LSAMP: variants seen among roughly 807,000 people sequenced by gnomAD.
LSAMP encodes the protein limbic system associated membrane protein, also known as limbic system-associated membrane protein.
In LSAMP, 7 loss-of-function variants were observed where a neutral mutation model predicts 38.6. The ratio of observed to expected loss-of-function variants is 0.18; its 90% CI spans 0.10 to 0.34. LSAMP has a LOEUF of 0.34. Among genes scored for constraint, LSAMP ranks in the 10% least tolerant of loss-of-function variants. The probability of loss-of-function intolerance (pLI) is 1.00; values close to 1 mark genes in which losing one functional copy is unlikely to be tolerated. For missense variants in LSAMP, 313 were observed against 420.0 expected (o/e 0.75, Z 2.23); for synonymous variants, 154 against 166.8 (o/e 0.92, Z 0.59).
chr3:115,837,451 ACTACTAGGCTAAACG>A (rs1934830477), intron 6 of LSAMP, among the ~76,000 whole-genome samples: 2 of 119,604 alleles, frequency 1.7e-5, no homozygotes, highest in South Asian at 4.3e-4. Flanking sequence ...CCAAACGCTG[ACTACTAGGCTAAACG>A]CTGACTACTA....
intron 1 of LSAMP, among the ~76,000 whole-genome samples, chr3:116,236,330 T>A (rs1181774298): frequency 6.6e-6 from 1 of 152,160 alleles, no homozygotes. Context: ...AGGCAAATGA[T>A]TCATTTCTAG....
At chr3:116,288,034 A>G (rs1403883264) in intron 1 of LSAMP, among the ~76,000 whole-genome samples, 1 of 152,244 alleles carries the variant, frequency 6.6e-6, no homozygotes, top group Non-Finnish European at 1.5e-5. Context: ...ATTTAAAAAA[A>G]AGTAAGATAC....
intron 1 of LSAMP, among the ~76,000 whole-genome samples, chr3:116,091,223 T>C (rs1207454531): frequency 1.3e-5 from 2 of 152,262 alleles, no homozygotes; most frequent in African/African-American, 4.8e-5. Flanking sequence ...GGCTCTGTTC[T>C]GCCCGGCTCA....
chr3:116,271,669 A>G (rs2107670789), intron 1 of LSAMP, among the ~76,000 whole-genome samples: 1 of 152,162 alleles, frequency 6.6e-6, no homozygotes, highest in South Asian at 2.1e-4. Context: ...TTTTCCTTTA[A>G]ACTTCCCATC....
chr3:116,367,825 T>C (rs1239076940), intron 1 of LSAMP: 1 of 152,106 alleles, frequency 6.6e-6, no homozygotes, highest in South Asian at 2.1e-4. Context: ...TCTTCCTTTT[T>C]TTAAAAAAAC....
chr3:116,047,191 G>A (rs1458766246), intron 2 of LSAMP, among the ~76,000 whole-genome samples: 1 of 152,084 alleles, frequency 6.6e-6, no homozygotes, highest in Non-Finnish European at 1.5e-5. Context: ...ACATTTAAAA[G>A]ATTATGATCC....
At chr3:116,187,514 A>G (rs533732727) in intron 1 of LSAMP, among the ~76,000 whole-genome samples, 1 of 152,140 alleles carries the variant, frequency 6.6e-6, no homozygotes, top group African/African-American at 2.4e-5. Flanking sequence ...TGATCTTTCT[A>G]TTACCTCAAA....
intron 3 of LSAMP, among the ~76,000 whole-genome samples, chr3:115,892,706 T>A (rs1936630784): frequency 6.6e-6 from 1 of 151,750 alleles, no homozygotes; most frequent in Non-Finnish European, 1.5e-5. Context: ...TGTATATACT[T>A]CAATAAAATA....
intron 1 of LSAMP, among the ~76,000 whole-genome samples, chr3:116,331,693 C>T (rs2047855950): frequency 6.6e-6 from 1 of 152,074 alleles, no homozygotes; most frequent in African/African-American, 2.4e-5. Context: ...AATGAAAGGA[C>T]ACCAGATAGT....
intron 1 of LSAMP, among the ~76,000 whole-genome samples, chr3:116,273,685 T>TATATATATATATATATATATAG (rs2047005553): frequency 2.3e-4 from 1 of 4,424 alleles, no homozygotes; most frequent in African/African-American, 4.3e-4. Flanking sequence ...GAAAGAGGCA[T>TATATATATATATATATATATAG]ATATATATAT....
chr3:116,412,854 G>A (rs2048998204), intron 1 of LSAMP, among the ~76,000 whole-genome samples: 1 of 152,066 alleles, frequency 6.6e-6, no homozygotes, highest in South Asian at 2.1e-4. Context: ...GTATTGGAAA[G>A]AAAGCAGACA....
intron 3 of LSAMP, among the ~76,000 whole-genome samples, chr3:115,929,077 T>G (rs183322528): frequency 5.6e-4 from 84 of 149,656 alleles, no homozygotes; most frequent in African/African-American, 1.9e-3. Flanking sequence ...CCCTAAATAT[T>G]ACTAGATAGA....
At chr3:116,013,306 G>A (rs1320679719) in intron 3 of LSAMP, among the ~76,000 whole-genome samples, 1 of 152,188 alleles carries the variant, frequency 6.6e-6, no homozygotes, top group Non-Finnish European at 1.5e-5. Flanking sequence ...GATTTTTAAA[G>A]TTTGGGTTGT....
At chr3:116,359,669 G>A (rs2048276822) in intron 1 of LSAMP, among the ~76,000 whole-genome samples, 1 of 152,078 alleles carries the variant, frequency 6.6e-6, no homozygotes, top group Non-Finnish European at 1.5e-5. Context: ...ATATGTCATG[G>A]TGGTTTGCTA....
intron 1 of LSAMP, among the ~76,000 whole-genome samples, chr3:116,412,676 A>C (rs575926048): frequency 1.3e-5 from 2 of 152,118 alleles, no homozygotes; most frequent in Non-Finnish European, 1.5e-5. Flanking sequence ...CTAATCCCCA[A>C]ATTCTTTTAA....
chr3:116,236,890 T>C (rs968000553), intron 1 of LSAMP, among the ~76,000 whole-genome samples: 11 of 151,882 alleles, frequency 7.2e-5, no homozygotes, highest in Admixed American at 5.3e-4. Context: ...AAAATAACTA[T>C]ACTAGATGAC....
chr3:116,205,031 T>G (rs2046046664), intron 1 of LSAMP, among the ~76,000 whole-genome samples: 1 of 143,850 alleles, frequency 7.0e-6, no homozygotes, highest in African/African-American at 2.5e-5. Flanking sequence ...TTCCTACCCA[T>G]GAGCATGGAA....
chr3:116,092,211 A>G (rs1200303977), intron 1 of LSAMP, among the ~76,000 whole-genome samples: 1 of 152,228 alleles, frequency 6.6e-6, no homozygotes, highest in Non-Finnish European at 1.5e-5. Flanking sequence ...TAGGTACAGT[A>G]AAGATGGATA....
chr3:116,197,130 G>GACACACACAC (rs10650049), intron 1 of LSAMP, among the ~76,000 whole-genome samples: 8,678 of 136,596 alleles, frequency 0.064, 325 homozygotes, highest in African/African-American at 0.088. Flanking sequence ...ATCCCACTCG[G>GACACACACAC]ACACACACAC....
Sources: allele counts gnomAD v4.1 joint callset (sites outside exome capture counted in the v4.1 genomes callset), GRCh38; gene constraint gnomAD v4.1.1; transcripts MANE v1.5; gene names NCBI Gene and HGNC (gene_info 2026-07-23, HGNC 2026-07-21).